EYS: variants seen among roughly 807,000 people sequenced by gnomAD.
The protein encoded by EYS is protein eyes shut homolog.
Under a neutral mutation model 282.1 loss-of-function variants are expected in EYS, and 250 were observed. The ratio of observed to expected loss-of-function variants is 0.89; its 90% confidence interval spans 0.80 to 0.98. The LOEUF (loss-of-function observed/expected upper bound fraction) is 0.98. EYS is among the 50% of genes least tolerant of loss of function. The probability of loss-of-function intolerance (pLI) is 0.00; values close to 1 mark genes in which losing one functional copy is unlikely to be tolerated. For missense variants in EYS, 4,016 were observed against 3,709.0 expected, an observed-to-expected ratio of 1.08 and a Z score of -2.15; for synonymous variants, 1,355 against 1,282.9, an observed-to-expected ratio of 1.06 and a Z score of -1.20.
intron 36 of EYS, among the ~76,000 whole-genome samples, chr6:63,827,859 A>T (rs1173747880): frequency 6.8e-6 from 1 of 147,058 alleles, no homozygotes; most frequent in Admixed American, 6.7e-5. Flanking sequence ...TCAAAAAAAA[A>T]AAAAAAAAAA....
intron 30 of EYS, among the ~76,000 whole-genome samples, chr6:64,290,399 G>A (rs1768660004): frequency 6.6e-6 from 1 of 152,066 alleles, no homozygotes; most frequent in South Asian, 2.1e-4. Context: ...GGAATATGAT[G>A]GAACCAGATC....
At chr6:64,172,853 C>T (rs962250019) in intron 31 of EYS, among the ~76,000 whole-genome samples, 16 of 152,292 alleles carry the variant, frequency 1.1e-4, no homozygotes, top group Non-Finnish European at 1.8e-4. Flanking sequence ...TTGCAAGCTC[C>T]TTATAAGAAT....
intron 2 of EYS, among the ~76,000 whole-genome samples, chr6:65,538,539 C>T (rs1320012002): frequency 6.6e-6 from 1 of 152,032 alleles, no homozygotes. Context: ...GGTTCACCTT[C>T]CTAACAAATA....
intron 22 of EYS, among the ~76,000 whole-genome samples, chr6:64,671,056 T>C (rs911094122): frequency 1.2e-4 from 18 of 152,178 alleles, no homozygotes; most frequent in South Asian, 2.1e-4. Flanking sequence ...TTGCATTCAT[T>C]CCCTCAAGGC....
At chr6:64,581,081 ATC>A (rs1766046481) in intron 26 of EYS, among the ~76,000 whole-genome samples, 1 of 152,154 alleles carries the variant, frequency 6.6e-6, no homozygotes, top group Non-Finnish European at 1.5e-5. Context: ...GAAAGTATAT[ATC>A]TCTGCAGATA....
intron 26 of EYS, among the ~76,000 whole-genome samples, chr6:64,576,317 G>A (rs1765877947): frequency 2.0e-5 from 3 of 151,922 alleles, no homozygotes; most frequent in Admixed American, 2.0e-4. Flanking sequence ...CCATCTTTTT[G>A]GAGAATGAGA....
At chr6:65,339,723 G>A (rs1329448633) in intron 10 of EYS, among the ~76,000 whole-genome samples, 1 of 151,012 alleles carries the variant, frequency 6.6e-6, no homozygotes, top group Non-Finnish European at 1.5e-5. Context: ...TATTGAGTTT[G>A]CAAAGATTTT....
At chr6:65,145,351 T>C (rs1764450616) in intron 12 of EYS, among the ~76,000 whole-genome samples, 1 of 152,072 alleles carries the variant, frequency 6.6e-6, no homozygotes, top group Non-Finnish European at 1.5e-5. Flanking sequence ...CCCTCACATT[T>C]TATGTAAAGT....
At chr6:64,183,226 G>A (rs1428459460) in intron 31 of EYS, among the ~76,000 whole-genome samples, 1 of 152,048 alleles carries the variant, frequency 6.6e-6, no homozygotes, top group Non-Finnish European at 1.5e-5. Context: ...CCACACATGC[G>A]GAACTGTGAG....
intron 29 of EYS, among the ~76,000 whole-genome samples, chr6:64,366,670 A>G (rs765256097): frequency 1.2e-4 from 18 of 152,088 alleles, no homozygotes; most frequent in Non-Finnish European, 2.2e-4. Context: ...TTGCAAGAAC[A>G]GGATGAGGTT....
At chr6:65,002,360 T>A (rs1485652785) in intron 13 of EYS, among the ~76,000 whole-genome samples, 1 of 145,160 alleles carries the variant, frequency 6.9e-6, no homozygotes, top group Admixed American at 6.9e-5. Flanking sequence ...GTGATTTATA[T>A]CAAGAGCAGC....
chr6:64,680,377 T>C (rs2149903736), intron 22 of EYS, among the ~76,000 whole-genome samples: 1 of 152,324 alleles, frequency 6.6e-6, no homozygotes, highest in Admixed American at 6.5e-5. Flanking sequence ...AGGAAACTTT[T>C]GTTTAAGAAA....
intron 26 of EYS, among the ~76,000 whole-genome samples, chr6:64,550,900 A>G (rs1765054399): frequency 6.6e-6 from 1 of 152,156 alleles, no homozygotes; most frequent in African/African-American, 2.4e-5. Context: ...AATCCAACTT[A>G]CAAGGGACGT....
chr6:64,491,278 T>G lies in EYS; in HGVS notation c.5645-51926A>C, dbSNP rs180930837. ...TACCCTAAAATGAAAAGTAACAAAA[T>G]AAACCACAACTCCTTATTTAACTAT... On this transcript the variant is annotated intron_variant, in intron 26 of 42. Transcript: ENST00000503581. Among the ~76,000 whole-genome samples the G allele has an allele frequency of 3.0e-3, 449 of 150,982 alleles. 2 individuals are homozygous for G. The highest frequency in any genetic ancestry group is 6.2e-3 in the South Asian group (30 of 4,820).
At chr6:64,478,268 C>A (rs900137966) in intron 26 of EYS, among the ~76,000 whole-genome samples, 1 of 151,856 alleles carries the variant, frequency 6.6e-6, no homozygotes, top group Admixed American at 6.6e-5. Context: ...TTTAAAAATG[C>A]CTTTTCCCCC....
intron 12 of EYS, among the ~76,000 whole-genome samples, chr6:65,098,863 C>A (rs975364054): frequency 1.3e-5 from 2 of 150,396 alleles, no homozygotes; most frequent in Admixed American, 6.7e-5. Flanking sequence ...CAAAAGGAAG[C>A]TAAAATTGAA....
chr6:64,234,574 T>C (rs1468472523), intron 30 of EYS, among the ~76,000 whole-genome samples: 4 of 152,210 alleles, frequency 2.6e-5, no homozygotes, highest in African/African-American at 4.8e-5. Flanking sequence ...ATACATAGTG[T>C]ACCCATTTAA....
At chr6:64,682,011 A>G (rs1228617112) in intron 22 of EYS, among the ~76,000 whole-genome samples, 1 of 152,186 alleles carries the variant, frequency 6.6e-6, no homozygotes. Context: ...TAGAACACAG[A>G]TAAGCCTCTC....
chr6:65,428,253 T>C (rs1206974929), intron 5 of EYS, among the ~76,000 whole-genome samples: 2 of 152,058 alleles, frequency 1.3e-5, no homozygotes, highest in African/African-American at 2.4e-5. Flanking sequence ...AATACAAATA[T>C]ATACTCAAAG....
Sources: gnomAD v4.1 joint callset for allele counts (sites outside exome capture counted in the v4.1 genomes callset) on GRCh38, gnomAD v4.1.1 for gene constraint, MANE v1.5 for transcripts, NCBI Gene and HGNC (gene_info 2026-07-23, HGNC 2026-07-21) for gene names.